Variants in ADCY2 observed in about 807,000 individuals in gnomAD.
The protein encoded by ADCY2 is adenylate cyclase type 2.
In ADCY2, 31 loss-of-function variants were observed where a neutral mutation model predicts 125.2. The observed-to-expected ratio is 0.25, with a 90% CI of 0.19 to 0.33. The LOEUF is 0.33. Ranked by LOEUF, ADCY2 falls within the 10% of genes least tolerant of loss-of-function variation. The pLI is 1.00. For missense variants in ADCY2, 904 were observed against 1,418.2 expected, an observed-to-expected ratio of 0.64 and a Z score of 5.82; for synonymous variants, 512 against 548.4, an observed-to-expected ratio of 0.93 and a Z score of 0.93.
At chr5:7,684,469 G>A (rs1740446988) in intron 4 of ADCY2, among the ~76,000 whole-genome samples, 1 of 152,138 alleles carries the variant, frequency 6.6e-6, no homozygotes, top group South Asian at 2.1e-4. Flanking sequence ...AAACAGTTCC[G>A]GTTTAGAAAT....
intron 3 of ADCY2, among the ~76,000 whole-genome samples, chr5:7,596,584 C>T (rs1579613147): frequency 2.6e-5 from 4 of 152,148 alleles, no homozygotes; most frequent in African/African-American, 9.7e-5. Flanking sequence ...TGTGCAGTTC[C>T]CTGGAGATCC....
chr5:7,468,686 A>G (rs1742219960), intron 2 of ADCY2, among the ~76,000 whole-genome samples: 1 of 152,068 alleles, frequency 6.6e-6, no homozygotes, highest in African/African-American at 2.4e-5. Flanking sequence ...AAACCCTCCT[A>G]TTTATCTGCC....
chr5:7,641,493 A>G (rs542025658), intron 4 of ADCY2, among the ~76,000 whole-genome samples: 3 of 152,254 alleles, frequency 2.0e-5, no homozygotes, highest in East Asian at 3.9e-4. Flanking sequence ...CAAGATATAT[A>G]TATATCTCTT....
At chr5:7,739,167 G>T (rs1742339781) in intron 14 of ADCY2, among the ~76,000 whole-genome samples, 1 of 151,660 alleles carries the variant, frequency 6.6e-6, no homozygotes, top group Non-Finnish European at 1.5e-5. Context: ...GGCCATAAAA[G>T]CATCTCCATA....
chr5:7,517,938 C>T (rs1361403340), intron 2 of ADCY2, among the ~76,000 whole-genome samples: 1 of 152,124 alleles, frequency 6.6e-6, no homozygotes, highest in Non-Finnish European at 1.5e-5. Flanking sequence ...TAATTGTCAA[C>T]TCTGGTACCT....
chr5:7,683,699 G>A (rs1166366338), intron 4 of ADCY2, among the ~76,000 whole-genome samples: 1 of 152,284 alleles, frequency 6.6e-6, no homozygotes, highest in African/African-American at 2.4e-5. Flanking sequence ...ATTTCAGAAC[G>A]ATAGTCCAGT....
intron 3 of ADCY2, among the ~76,000 whole-genome samples, chr5:7,574,856 A>G (rs1053012352): frequency 6.6e-6 from 1 of 152,242 alleles, no homozygotes; most frequent in Non-Finnish European, 1.5e-5. Context: ...AATGGCAAAG[A>G]TTAGAAAGAA....
In ADCY2 at chr5:7,434,213, C is replaced by T. The variant is rs140335812; in HGVS notation, c.408+19443C>T. 8.1e-4 allele frequency among the ~76,000 whole-genome samples: 123 copies of T among 152,064 alleles called. 1 individual carries two copies. The highest frequency in any genetic ancestry group is 3.9e-3 in the East Asian group (20 of 5,174). On this transcript the variant is annotated intron_variant, in intron 2 of 24. Transcript: ENST00000338316. ...CACGCATGCATGGGACTCCTGGAGA[C>T]GTTTGTTCGTGTCAGCATTGTCTAT...
chr5:7,648,309 C>A (rs1174438389), intron 4 of ADCY2, among the ~76,000 whole-genome samples: 1 of 152,098 alleles, frequency 6.6e-6, no homozygotes, highest in Non-Finnish European at 1.5e-5. Context: ...TTTTCAGTAA[C>A]TAAATACTCA....
intron 1 of ADCY2, among the ~76,000 whole-genome samples, chr5:7,399,250 A>G (rs998885816): frequency 1.1e-4 from 16 of 152,322 alleles, no homozygotes; most frequent in South Asian, 2.1e-4. Flanking sequence ...AAGTTTGGCA[A>G]TCTGCTTAAA....
intron 2 of ADCY2, among the ~76,000 whole-genome samples, chr5:7,434,239 T>C (rs1740713703): frequency 6.6e-6 from 1 of 152,188 alleles, no homozygotes; most frequent in Non-Finnish European, 1.5e-5. Context: ...CATTGTCTAT[T>C]ATAGGAAAGG....
At chr5:7,722,001 T>G (rs1025888758) in intron 12 of ADCY2, among the ~76,000 whole-genome samples, 1 of 152,230 alleles carries the variant, frequency 6.6e-6, no homozygotes, top group African/African-American at 2.4e-5. Flanking sequence ...CAGAGGTGAT[T>G]AAGTGTGTAG....
At position 7,673,257 on chromosome 5, in the gene ADCY2, A is replaced by ATAT. The variant is rs1284363963; in HGVS notation, c.721-17434_721-17433insTAT. ...GTCTCTCCAAAAAAAAAAAAAAAAA[A>ATAT]AAAAAAAAAAAAATATATATATATA... On this transcript the variant is annotated intron_variant, in intron 4 of 24. Coordinates refer to ENST00000338316, the MANE Select transcript of ADCY2 (RefSeq NM_020546.3). Among the ~76,000 whole-genome samples the ATAT allele has an allele frequency of 1.0e-3, 12 of 11,962 alleles. No homozygotes were observed. The East Asian group carries it at 0.023, about 23-fold the overall frequency. The allele number at this position is 11,962 out of a possible 152,430, so 7.8% of individuals were successfully genotyped here.
chr5:7,732,859 A>G (rs542346362), intron 14 of ADCY2, among the ~76,000 whole-genome samples: 49 of 152,316 alleles, frequency 3.2e-4, no homozygotes, highest in African/African-American at 1.2e-3. Context: ...TATTCAGCCT[A>G]TAATCATTGA....
intron 3 of ADCY2, among the ~76,000 whole-genome samples, chr5:7,570,651 G>T (rs1736039254): frequency 6.6e-6 from 1 of 151,606 alleles, no homozygotes; most frequent in Admixed American, 6.6e-5. Context: ...TTGTGTTTGG[G>T]AGTAAAAAAC....
At chr5:7,724,724 A>T in intron 13 of ADCY2, 110 bp downstream of exon 13, 1 of 753,564 alleles carries the variant, frequency 1.3e-6, no homozygotes, top group South Asian at 1.6e-5. Flanking sequence ...GCCTCTGACT[A>T]TATTCGAACT....
chr5:7,645,447 A>T (rs1290472652), intron 4 of ADCY2, among the ~76,000 whole-genome samples: 5 of 152,196 alleles, frequency 3.3e-5, no homozygotes, highest in African/African-American at 1.2e-4. Context: ...CCAACAGACA[A>T]TGAAGAAAGA....
intron 3 of ADCY2, among the ~76,000 whole-genome samples, chr5:7,623,556 G>A (rs112396776): frequency 0.021 from 3,127 of 152,216 alleles, 106 homozygotes; most frequent in African/African-American, 0.071. Context: ...CCCTCTAATC[G>A]GAAGCCAGGA....
chr5:7,790,042 T>C (rs1744203978), intron 20 of ADCY2, among the ~76,000 whole-genome samples: 1 of 152,340 alleles, frequency 6.6e-6, no homozygotes, highest in Non-Finnish European at 1.5e-5. Context: ...GGTGGATTCA[T>C]TATTAGAGAT....
Sources: allele counts gnomAD v4.1 joint callset (sites outside exome capture counted in the v4.1 genomes callset), GRCh38; gene constraint gnomAD v4.1.1; transcripts MANE v1.5; gene names NCBI Gene and HGNC (gene_info 2026-07-23, HGNC 2026-07-21).